Variants in CEP112 observed in about 807,000 individuals in gnomAD.
CEP112 encodes the protein centrosomal protein of 112 kDa.
Under a neutral mutation model 153.0 loss-of-function variants are expected in CEP112, and 127 were observed. That is an observed-to-expected ratio of 0.83 (90% CI 0.72 to 0.96). CEP112 has a LOEUF of 0.96. Among genes scored for constraint, CEP112 ranks in the 40% least tolerant of loss-of-function variants. The probability of loss-of-function intolerance (pLI) is 0.00; values close to 1 mark genes in which losing one functional copy is unlikely to be tolerated. For synonymous variants in CEP112, 358 were observed against 374.4 expected, an observed-to-expected ratio of 0.96 and a Z score of 0.51; for missense variants, 1,089 against 1,101.2, an observed-to-expected ratio of 0.99 and a Z score of 0.16.
intron 24 of CEP112, among the ~76,000 whole-genome samples, chr17:65,660,430 T>C (rs550623416): frequency 2.0e-5 from 2 of 100,130 alleles, no homozygotes; most frequent in Non-Finnish European, 4.0e-5. Flanking sequence ...TCCCTCCTTC[T>C]TTCTTTCTTT....
At chr17:66,116,579 G>A (rs1045541731) in intron 6 of CEP112, among the ~76,000 whole-genome samples, 3 of 152,100 alleles carry the variant, frequency 2.0e-5, no homozygotes, top group Non-Finnish European at 4.4e-5. Context: ...ATTCAGGAGT[G>A]TGTTTGTACT....
intron 21 of CEP112, among the ~76,000 whole-genome samples, chr17:65,850,758 T>A (rs1019506028): frequency 9.9e-5 from 15 of 152,046 alleles, no homozygotes; most frequent in African/African-American, 3.6e-4. Flanking sequence ...CACCCTGAGG[T>A]TTCTTCTCTG....
At chr17:65,641,400 A>C (rs930362640) in intron 24 of CEP112, among the ~76,000 whole-genome samples, 1 of 152,156 alleles carries the variant, frequency 6.6e-6, no homozygotes, top group Admixed American at 6.5e-5. Context: ...CCTCTCCTTG[A>C]TCAGGATGTG....
intron 17 of CEP112, among the ~76,000 whole-genome samples, chr17:66,003,607 A>T (rs1053439710): frequency 2.0e-5 from 3 of 152,168 alleles, no homozygotes; most frequent in African/African-American, 7.2e-5. Context: ...TGTAGGTACT[A>T]AACAAATATT....
intron 8 of CEP112, among the ~76,000 whole-genome samples, chr17:66,089,195 CTTTCTCAAATGAAGCCAGTCT>C (rs2068049148): frequency 6.6e-6 from 1 of 152,150 alleles, no homozygotes; most frequent in South Asian, 2.1e-4. Flanking sequence ...TGATGACTGG[CTTTCTCAAATGAAGCCAGTCT>C]ACAAAGACTA....
At chr17:65,647,365 G>T (rs1351944345) in intron 24 of CEP112, among the ~76,000 whole-genome samples, 1 of 151,478 alleles carries the variant, frequency 6.6e-6, no homozygotes, top group East Asian at 1.9e-4. Flanking sequence ...TAGAGATGGG[G>T]TTTCTCCATG....
At chr17:65,927,491 T>G (rs1035987522) in intron 19 of CEP112, 91 bp downstream of exon 19, 1 of 698,358 alleles carries the variant, frequency 1.4e-6, no homozygotes, top group Non-Finnish European at 2.4e-6. Context: ...AATATTTTCA[T>G]TATGCAGATA....
At chr17:66,098,726 C>G (rs369833242) in intron 6 of CEP112, among the ~76,000 whole-genome samples, 4 of 152,144 alleles carry the variant, frequency 2.6e-5, no homozygotes, top group African/African-American at 9.7e-5. Context: ...ATGTCTCTCC[C>G]CATCCTCCAA....
intron 18 of CEP112, among the ~76,000 whole-genome samples, chr17:65,938,408 G>A (rs1225776073): frequency 6.8e-4 from 56 of 82,846 alleles, no homozygotes; most frequent in Non-Finnish European, 1.2e-3. Flanking sequence ...ACCCAAGAAT[G>A]ATCAATAAAA....
At chr17:65,963,186 T>C (rs2062277153) in intron 17 of CEP112, among the ~76,000 whole-genome samples, 2 of 152,084 alleles carry the variant, frequency 1.3e-5, no homozygotes, top group South Asian at 4.2e-4. Flanking sequence ...ACAGGTAAGA[T>C]TAACTTAGCT....
chr17:65,655,994 C>A (rs957941099), intron 24 of CEP112, among the ~76,000 whole-genome samples: 2 of 152,192 alleles, frequency 1.3e-5, no homozygotes, highest in Non-Finnish European at 2.9e-5. Flanking sequence ...AGCATTTACT[C>A]CAGCATTATT....
At chr17:65,836,987 T>G (rs1387595985) in intron 21 of CEP112, among the ~76,000 whole-genome samples, 1 of 152,202 alleles carries the variant, frequency 6.6e-6, no homozygotes, top group Non-Finnish European at 1.5e-5. Context: ...ATTTTTTTGG[T>G]GGAGACGGGG....
At chr17:66,006,828 A>C (rs1026356991) in intron 16 of CEP112, among the ~76,000 whole-genome samples, 3 of 151,244 alleles carry the variant, frequency 2.0e-5, no homozygotes, top group Non-Finnish European at 4.4e-5. Flanking sequence ...GTGGGGTGGG[A>C]AAACCCGCTA....
At chr17:65,856,859 AT>A (rs1395429298) in intron 20 of CEP112, among the ~76,000 whole-genome samples, 2 of 151,974 alleles carry the variant, frequency 1.3e-5, no homozygotes, top group African/African-American at 2.4e-5. Context: ...ACTGTTCTAT[AT>A]TTTCACACAC....
At chr17:65,647,180 T>TTTG (rs2045481878) in intron 24 of CEP112, among the ~76,000 whole-genome samples, 1 of 150,656 alleles carries the variant, frequency 6.6e-6, no homozygotes, top group African/African-American at 2.4e-5. Flanking sequence ...CTTGTTTTTT[T>TTTG]TTTTTTTTTT....
intron 4 of CEP112, among the ~76,000 whole-genome samples, chr17:66,144,234 T>G (rs1306835286): frequency 6.6e-6 from 1 of 152,232 alleles, no homozygotes; most frequent in Non-Finnish European, 1.5e-5. Context: ...AAAAATTCTT[T>G]GAGCCTGAGA....
chr17:66,092,655 A>T (rs1049041178), intron 8 of CEP112, among the ~76,000 whole-genome samples: 1 of 152,166 alleles, frequency 6.6e-6, no homozygotes, highest in Admixed American at 6.5e-5. Context: ...TCAACAGCAC[A>T]CTCAGAAGAG....
At chr17:65,644,915 G>A (rs1193797459) in intron 24 of CEP112, among the ~76,000 whole-genome samples, 5 of 152,016 alleles carry the variant, frequency 3.3e-5, no homozygotes, top group Admixed American at 3.3e-4. Flanking sequence ...TTTTTTTCAT[G>A]TTGAATATAA....
intron 21 of CEP112, among the ~76,000 whole-genome samples, chr17:65,836,878 A>C: frequency 9.0e-6 from 1 of 111,438 alleles, no homozygotes; most frequent in African/African-American, 3.5e-5. Context: ...TACTGCCGCC[A>C]TCTCGGCTCA....
Sources: gnomAD v4.1 joint callset for allele counts (sites outside exome capture counted in the v4.1 genomes callset) on GRCh38, gnomAD v4.1.1 for gene constraint, MANE v1.5 for transcripts, NCBI Gene and HGNC (gene_info 2026-07-23, HGNC 2026-07-21) for gene names.